The following NKAIN2 variants were observed in gnomAD, a reference collection of about 807,000 sequenced individuals.
NKAIN2 encodes sodium/potassium-transporting ATPase subunit beta-1-interacting protein 2.
Under a neutral mutation model 32.6 loss-of-function variants are expected in NKAIN2, and 14 were observed. That is an observed-to-expected ratio of 0.43 (90% CI 0.28 to 0.67). The LOEUF (loss-of-function observed/expected upper bound fraction) is 0.67, where lower values mean the gene tolerates loss of function less well. Among genes scored for constraint, NKAIN2 ranks in the 30% least tolerant of loss-of-function variants. NKAIN2 has a pLI of 0.17. For synonymous variants in NKAIN2, 80 were observed against 87.2 expected, an observed-to-expected ratio of 0.92 and a Z score of 0.46; for missense variants, 198 against 258.3, an observed-to-expected ratio of 0.77 and a Z score of 1.60.
intron 3 of NKAIN2, among the ~76,000 whole-genome samples, chr6:124,429,824 G>A (rs979873624): frequency 1.3e-5 from 2 of 152,100 alleles, no homozygotes; most frequent in Non-Finnish European, 2.9e-5. Context: ...TCACGTCCCT[G>A]GGCCTATCCT....
chr6:124,626,186 T>C (rs1336300812), intron 3 of NKAIN2, among the ~76,000 whole-genome samples: 5 of 149,970 alleles, frequency 3.3e-5, no homozygotes, highest in African/African-American at 1.2e-4. Context: ...CTTTGCTTCT[T>C]GTATCAGTAT....
chr6:124,739,508 C>G (rs916956087), intron 4 of NKAIN2, among the ~76,000 whole-genome samples: 1 of 151,826 alleles, frequency 6.6e-6, no homozygotes, highest in Non-Finnish European at 1.5e-5. Context: ...ACCAATGACC[C>G]TTCCACAGTG....
At chr6:123,991,404 T>C (rs1779402939) in intron 1 of NKAIN2, among the ~76,000 whole-genome samples, 1 of 152,126 alleles carries the variant, frequency 6.6e-6, no homozygotes, top group African/African-American at 2.4e-5. Flanking sequence ...TATTAAATAT[T>C]GCCCAGGGAG....
At chr6:123,955,166 T>C (rs977802034) in intron 1 of NKAIN2, among the ~76,000 whole-genome samples, 7 of 126,028 alleles carry the variant, frequency 5.6e-5, no homozygotes, top group African/African-American at 1.8e-4. Flanking sequence ...GAAGAGTATA[T>C]AACTGATTCT....
intron 1 of NKAIN2, among the ~76,000 whole-genome samples, chr6:123,806,973 G>C (rs1227227647): frequency 6.6e-6 from 1 of 151,908 alleles, no homozygotes; most frequent in African/African-American, 2.4e-5. Flanking sequence ...TTGTGGATAT[G>C]GTGATCTCAT....
chr6:124,686,183 T>C (rs1208095856), intron 4 of NKAIN2, among the ~76,000 whole-genome samples: 2 of 152,154 alleles, frequency 1.3e-5, no homozygotes, highest in Non-Finnish European at 2.9e-5. Context: ...GTCCACAATA[T>C]TGCAGCTTGT....
intron 2 of NKAIN2, among the ~76,000 whole-genome samples, chr6:124,318,876 G>A (rs946362413): frequency 2.0e-5 from 3 of 152,084 alleles, no homozygotes; most frequent in African/African-American, 7.2e-5. Context: ...AGTCTGCTGA[G>A]TAAACAAGTC....
At chr6:124,402,389 T>G (rs1773661694) in intron 3 of NKAIN2, among the ~76,000 whole-genome samples, 1 of 152,238 alleles carries the variant, frequency 6.6e-6, no homozygotes, top group Non-Finnish European at 1.5e-5. Flanking sequence ...CAACCATCCT[T>G]TCCCGTTACA....
At chr6:123,875,081 C>G (rs903452863) in intron 1 of NKAIN2, among the ~76,000 whole-genome samples, 9 of 151,780 alleles carry the variant, frequency 5.9e-5, no homozygotes, top group African/African-American at 2.2e-4. Context: ...ATTTTATATA[C>G]CATAATATAT....
rs867662026 is a variant in NKAIN2 at position 124,049,165 on chromosome 6, C to T, written c.55-233840C>T. ...GTGGAAATTCCAATATTTAAAATTA[C>T]AAGGAAGGAATTTTACACGTAGGTT... is the stretch of plus-strand genomic sequence containing the variant. On this transcript the variant is annotated intron_variant, in intron 1 of 6. Transcript: ENST00000368417. Among the ~76,000 whole-genome samples, 8 of 152,038 alleles carry T rather than the reference C, an allele frequency of 5.3e-5. No homozygotes were observed. The South Asian group carries it at 8.3e-4, about 16-fold the overall frequency.
chr6:124,421,084 A>C (rs1359108150), intron 3 of NKAIN2, among the ~76,000 whole-genome samples: 1 of 151,428 alleles, frequency 6.6e-6, no homozygotes, highest in Non-Finnish European at 1.5e-5. Context: ...TAAAAAAAAA[A>C]AAAAAAAAAA....
chr6:124,487,242 ATCT>A (rs1298124657), intron 3 of NKAIN2, among the ~76,000 whole-genome samples: 6 of 152,266 alleles, frequency 3.9e-5, no homozygotes, highest in Admixed American at 3.3e-4. Context: ...AGAGCTGATA[ATCT>A]TCTCATTTAC....
At chr6:124,565,661 C>A (rs1780882724) in intron 3 of NKAIN2, among the ~76,000 whole-genome samples, 1 of 152,130 alleles carries the variant, frequency 6.6e-6, no homozygotes, top group Non-Finnish European at 1.5e-5. Flanking sequence ...TAGGCACTGA[C>A]CCCGGATGAT....
In NKAIN2 at chr6:124,404,621, AT is replaced by A. The variant is rs574761933; in HGVS notation, c.273+49283del. On this transcript the variant is annotated intron_variant, in intron 3 of 6. Coordinates refer to ENST00000368417, the MANE Select transcript of NKAIN2 (RefSeq NM_001040214.3). The stretch of plus-strand genomic sequence containing the variant: ...TATTACTGGAAGGGAAGTCTTAATG[AT>A]TTTTTTTTAATGTAAACGACTAAAG... 9.8e-3 allele frequency among the ~76,000 whole-genome samples: 1,483 copies of A among 151,452 alleles called. 7 individuals are homozygous for A. The highest frequency in any genetic ancestry group is 0.014 in the Non-Finnish European group (921 of 67,792).
intron 4 of NKAIN2, among the ~76,000 whole-genome samples, chr6:124,691,605 T>G (rs530055179): frequency 6.6e-6 from 1 of 152,326 alleles, no homozygotes; most frequent in South Asian, 2.1e-4. Flanking sequence ...AGCTTTACAT[T>G]TTTATTTTTC....
intron 3 of NKAIN2, among the ~76,000 whole-genome samples, chr6:124,484,162 GA>G (rs1164781146): frequency 6.6e-6 from 1 of 152,164 alleles, no homozygotes; most frequent in East Asian, 1.9e-4. Context: ...TCAACTTTGA[GA>G]AAATTATAAA....
At chr6:123,918,152 T>C (rs1252803002) in intron 1 of NKAIN2, among the ~76,000 whole-genome samples, 1 of 152,184 alleles carries the variant, frequency 6.6e-6, no homozygotes, top group Non-Finnish European at 1.5e-5. Context: ...AGAGACATAT[T>C]GTTAGCTTGA....
chr6:124,733,134 T>C (rs1776769280), intron 4 of NKAIN2, among the ~76,000 whole-genome samples: 1 of 151,872 alleles, frequency 6.6e-6, no homozygotes, highest in African/African-American at 2.4e-5. Flanking sequence ...CAGTAAAATA[T>C]CAGTGGTTAT....
chr6:124,301,996 G>A (rs118126392), intron 2 of NKAIN2, among the ~76,000 whole-genome samples: 23,656 of 152,084 alleles, frequency 0.16, 3,475 homozygotes, highest in African/African-American at 0.39. Context: ...TGGTTTAGCT[G>A]TGTCCCGACC....
Sources: gnomAD v4.1 joint callset for allele counts (sites outside exome capture counted in the v4.1 genomes callset) on GRCh38, gnomAD v4.1.1 for gene constraint, MANE v1.5 for transcripts, NCBI Gene and HGNC (gene_info 2026-07-23, HGNC 2026-07-21) for gene names.